The following FAM241A variants were observed in gnomAD, a reference collection of about 807,000 sequenced individuals.
FAM241A encodes uncharacterized protein FAM241A.
A neutral mutation model predicts 12.2 loss-of-function variants in FAM241A; 7 were observed. The ratio of observed to expected loss-of-function variants is 0.58; its 90% CI spans 0.33 to 1.08. FAM241A has a LOEUF of 1.08. FAM241A is among the 50% of genes least tolerant of loss of function. The pLI, the probability that FAM241A is intolerant of heterozygous loss-of-function variation, is 0.04. For missense variants in FAM241A, 161 were observed against 169.7 expected (o/e 0.95, Z 0.29); for synonymous variants, 74 against 68.2 (o/e 1.08, Z -0.42).
chr4:112,154,815 C>G (rs1723318732), intron 1 of FAM241A, among the ~76,000 whole-genome samples: 1 of 151,872 alleles, frequency 6.6e-6, no homozygotes, highest in Admixed American at 6.6e-5. Flanking sequence ...GGCGGGTCAC[C>G]TGAGGCCAGG....
At chr4:112,168,449 T>C (rs1723645457) in intron 1 of FAM241A, among the ~76,000 whole-genome samples, 1 of 152,108 alleles carries the variant, frequency 6.6e-6, no homozygotes, top group Admixed American at 6.6e-5. Flanking sequence ...AAAAGTGAAG[T>C]ATATAAAACA....
At chr4:112,165,195 A>G (rs1421398980) in intron 1 of FAM241A, among the ~76,000 whole-genome samples, 2 of 152,346 alleles carry the variant, frequency 1.3e-5, no homozygotes, top group East Asian at 1.9e-4. Flanking sequence ...AATCAAAACT[A>G]CAATGAGATA....
chr4:112,153,258 A>ACCT (rs1399042946), intron 1 of FAM241A, among the ~76,000 whole-genome samples: 1 of 152,166 alleles, frequency 6.6e-6, no homozygotes, highest in Non-Finnish European at 1.5e-5. Flanking sequence ...AAAAATACCC[A>ACCT]CCTCCTCTGT....
Position 112,190,698 on chromosome 4 carries a change from CAAA to C in FAM241A, c.*3774_*3776del, listed in dbSNP as rs969099285. ...GGGCAACAAGAGCGAAACTCCATCT[CAAA>C]AAAAAAAAAAAAAGACTTTCATGCC... is the stretch of plus-strand genomic sequence containing the variant. On this transcript the variant is annotated 3_prime_UTR_variant, in exon 2 of 2. Transcript: ENST00000309733. 10 of 90,470 alleles carry C rather than the reference CAAA, an allele frequency of 1.1e-4. No individual in the cohort carries two copies. Among genetic ancestry groups the C allele is most frequent in the East Asian group, 3.3e-4 (1 of 3,000 alleles). The allele number at this position is 90,470 out of a possible 1,614,324, so 5.6% of individuals were successfully genotyped here. A position where few individuals can be genotyped will look rare whatever the true frequency, so the allele number is the denominator to read the frequency against.
Position 112,190,879 on chromosome 4 carries a change from A to T in FAM241A, c.*3941A>T, listed in dbSNP as rs1724153796. The T allele has an allele frequency of 6.6e-6, 1 of 151,418 alleles. No homozygotes were observed. 9.4% of individuals were successfully genotyped at this position (151,418 alleles called of 1,614,324 possible). ...GAGTTCAGTCCAACAGCCTGCTCTCACATCACTCCACACAGCAGCTCGGCA... is the reference window on the plus strand; with the variant it reads ...GAGTTCAGTCCAACAGCCTGCTCTCTCATCACTCCACACAGCAGCTCGGCA... On this transcript the variant is annotated 3_prime_UTR_variant, in exon 2 of 2. Transcript: ENST00000309733.
chr4:112,171,291 T>C (rs1452583855), intron 1 of FAM241A: 3 of 755,316 alleles, frequency 4.0e-6, no homozygotes, highest in African/African-American at 3.4e-5. Context: ...AATGACACAG[T>C]ACAAGAAGGG....
At position 112,188,091 on chromosome 4, in the gene FAM241A, A is replaced by G. The variant is rs1382856889; in HGVS notation, c.*1153A>G. ...TTTCAGGTTTTATATTGAAATACGCATTTCTTTAAATATTCTTTGAAAATG... is the reference window on the plus strand; with the variant it reads ...TTTCAGGTTTTATATTGAAATACGCGTTTCTTTAAATATTCTTTGAAAATG... On this transcript the variant is annotated 3_prime_UTR_variant, in exon 2 of 2. Transcript: ENST00000309733. The G allele has an allele frequency of 6.6e-6, 1 of 152,094 alleles. No individual in the cohort carries two copies. The highest frequency in any genetic ancestry group is 2.4e-5 in the African/African-American group (1 of 41,442). 9.4% of individuals were successfully genotyped at this position (152,094 alleles called of 1,614,324 possible). A position where few individuals can be genotyped will look rare whatever the true frequency, so the allele number is the denominator to read the frequency against.
At chr4:112,157,925 C>CA (rs1243563389) in intron 1 of FAM241A, among the ~76,000 whole-genome samples, 1 of 152,056 alleles carries the variant, frequency 6.6e-6, no homozygotes, top group African/African-American at 2.4e-5. Flanking sequence ...AATGTAGAGG[C>CA]ACATTTCATT....
intron 1 of FAM241A, chr4:112,171,629 G>A (rs1443575948): frequency 3.7e-6 from 2 of 536,758 alleles, no homozygotes; most frequent in Non-Finnish European, 6.8e-6. Flanking sequence ...GGAGGCCGAG[G>A]CGGGCGAATC....
Position 112,187,019 on chromosome 4 carries a change from C to T in FAM241A, c.*81C>T, listed in dbSNP as rs572504068. On this transcript the variant is annotated 3_prime_UTR_variant, in exon 2 of 2. Transcript: ENST00000309733. ...GTTATATATTTCACTTTTTGACAAC[C>T]GAAAAAGTTTGCCTTGTTTCAAATC... is the stretch of plus-strand genomic sequence containing the variant. 171 of 1,497,752 alleles carry T rather than the reference C, an allele frequency of 1.1e-4. 1 individual carries two copies. In the South Asian group the frequency reaches 2.1e-3, roughly 18 times the overall value. The allele number at this position is 1,497,752 out of a possible 1,614,324, so 92.8% of individuals were successfully genotyped here.
Position 112,145,488 on chromosome 4 carries a change from G to C in FAM241A, c.-93G>C, listed in dbSNP as rs1183738343. 1 of 1,155,124 alleles carries C rather than the reference G, an allele frequency of 8.7e-7. No homozygotes were observed. The highest frequency in any genetic ancestry group is 4.3e-5 in the South Asian group (1 of 23,342). 71.6% of individuals were successfully genotyped at this position (1,155,124 alleles called of 1,614,324 possible). A position where few individuals can be genotyped will look rare whatever the true frequency, so the allele number is the denominator to read the frequency against. ...GCTCCTGTCAGCGGCGGGTGCGGCG[G>C]ATCCCAGGGCAGCCTTCGGGCGGCG... On this transcript the variant is annotated 5_prime_UTR_variant, in exon 1 of 2. Coordinates refer to ENST00000309733, the MANE Select transcript of FAM241A (RefSeq NM_152400.3).
chr4:112,178,089 C>T (rs1242597406), intron 1 of FAM241A, among the ~76,000 whole-genome samples: 1 of 152,012 alleles, frequency 6.6e-6, no homozygotes, highest in Non-Finnish European at 1.5e-5. Flanking sequence ...GCCCTTAATA[C>T]CCTTAGTGGG....
intron 1 of FAM241A, among the ~76,000 whole-genome samples, chr4:112,175,310 T>C (rs1723797488): frequency 6.6e-6 from 1 of 152,222 alleles, no homozygotes; most frequent in Non-Finnish European, 1.5e-5. Flanking sequence ...AGTAATATGA[T>C]GGCCTACAAC....
At chr4:112,148,344 C>CAT (rs1041143589) in intron 1 of FAM241A, among the ~76,000 whole-genome samples, 8 of 151,928 alleles carry the variant, frequency 5.3e-5, no homozygotes, top group African/African-American at 1.9e-4. Context: ...TTACTTATTT[C>CAT]ATATATATAT....
chr4:112,164,343 G>A (rs1019279602), intron 1 of FAM241A, among the ~76,000 whole-genome samples: 15 of 150,692 alleles, frequency 1.0e-4, no homozygotes, highest in African/African-American at 2.7e-4. Context: ...GCAAACGATC[G>A]CAAGGACAGA....
At position 112,189,419 on chromosome 4, in the gene FAM241A, A is replaced by G. The variant is rs1260651490; in HGVS notation, c.*2481A>G. 1 of 150,956 alleles carries G rather than the reference A, an allele frequency of 6.6e-6. No individual in the cohort carries two copies. The highest frequency in any genetic ancestry group is 1.5e-5 in the Non-Finnish European group (1 of 67,896). 9.4% of individuals were successfully genotyped at this position (150,956 alleles called of 1,614,324 possible). ...AATTGGATTGAAAATGATTCTCATCATTTCAATCTCAAATACAAGCCAGTT... is the reference window on the plus strand; with the variant it reads ...AATTGGATTGAAAATGATTCTCATCGTTTCAATCTCAAATACAAGCCAGTT... On this transcript the variant is annotated 3_prime_UTR_variant, in exon 2 of 2. Coordinates refer to ENST00000309733, the MANE Select transcript of FAM241A (RefSeq NM_152400.3).
At chr4:112,164,886 A>G (rs1723562459) in intron 1 of FAM241A, among the ~76,000 whole-genome samples, 1 of 152,178 alleles carries the variant, frequency 6.6e-6, no homozygotes, top group South Asian at 2.1e-4. Context: ...CTAGGCAGGC[A>G]GATCACTTGA....
chr4:112,147,622 A>T (rs1173251151), intron 1 of FAM241A, among the ~76,000 whole-genome samples: 1 of 152,236 alleles, frequency 6.6e-6, no homozygotes, highest in Non-Finnish European at 1.5e-5. Flanking sequence ...AAGATATTTG[A>T]GGAAGAAATG....
At chr4:112,159,512 A>G (rs1032790159) in intron 1 of FAM241A, among the ~76,000 whole-genome samples, 7 of 152,212 alleles carry the variant, frequency 4.6e-5, no homozygotes, top group African/African-American at 1.7e-4. Flanking sequence ...TCTGATGACT[A>G]TTGAGGTACA....
Sources: gnomAD v4.1 joint callset for allele counts (sites outside exome capture counted in the v4.1 genomes callset) on GRCh38, gnomAD v4.1.1 for gene constraint, MANE v1.5 for transcripts, NCBI Gene and HGNC (gene_info 2026-07-23, HGNC 2026-07-21) for gene names.